Variants in SHANK2 observed in about 807,000 individuals in gnomAD.
SHANK2 encodes SH3 and multiple ankyrin repeat domains 2.
Under a neutral mutation model 133.7 loss-of-function variants are expected in SHANK2, and 43 were observed. That is an observed-to-expected ratio of 0.32 (90% CI 0.25 to 0.41). The LOEUF (loss-of-function observed/expected upper bound fraction) is 0.41, where lower values mean the gene tolerates loss of function less well. Ranked by LOEUF, SHANK2 falls within the 10% of genes least tolerant of loss-of-function variation. SHANK2 has a pLI of 1.00. For synonymous variants in SHANK2, 1,017 were observed against 952.8 expected, an observed-to-expected ratio of 1.07 and a Z score of -1.24; for missense variants, 1,994 against 2,235.8, an observed-to-expected ratio of 0.89 and a Z score of 2.18.
At chr11:71,096,846 T>G (rs1327987372) in intron 6 of SHANK2, among the ~76,000 whole-genome samples, 2 of 152,296 alleles carry the variant, frequency 1.3e-5, no homozygotes, top group African/African-American at 4.8e-5. Context: ...CTGTTCCATT[T>G]TATAAATGAG....
At chr11:71,071,142 A>C (rs1037922576) in intron 9 of SHANK2, among the ~76,000 whole-genome samples, 94 of 152,356 alleles carry the variant, frequency 6.2e-4, no homozygotes, top group African/African-American at 2.2e-3. Flanking sequence ...AAATTAAGGA[A>C]TGTTTTTTCC....
chr11:70,815,175 A>AACACACACACACAC (rs61610592), intron 12 of SHANK2, among the ~76,000 whole-genome samples: 18 of 119,714 alleles, frequency 1.5e-4, no homozygotes, highest in South Asian at 3.4e-4. Flanking sequence ...TGGGAGAAGA[A>AACACACACACACAC]ACACACACAC....
Position 70,472,467 on chromosome 11 carries a change from C to A in SHANK2, c.*402G>T. 3.6e-6 allele frequency: 1 copy of A among 274,340 alleles called. No homozygotes were observed. The highest frequency in any genetic ancestry group is 7.0e-6 in the Non-Finnish European group (1 of 141,982). 17.0% of individuals were successfully genotyped at this position (274,340 alleles called of 1,614,324 possible). ...GGGGCCTGGGGTGGTGAGAGCTGCC[C>A]GGAAAGCAGAGGACGGAGGTCTCAG... On this transcript the variant is annotated 3_prime_UTR_variant, in exon 26 of 26. Coordinates refer to ENST00000601538, the MANE Select transcript of SHANK2 (RefSeq NM_012309.5). This position sits in a 1 kb window ranked among gnomAD's most constrained non-coding sequence, Gnocchi z 4.4.
intron 2 of SHANK2, among the ~76,000 whole-genome samples, chr11:71,192,149 C>T (rs1386353050): frequency 1.3e-5 from 2 of 152,220 alleles, no homozygotes; most frequent in African/African-American, 4.8e-5. Flanking sequence ...GCGTGAGCCA[C>T]CACACCCGGC....
At chr11:71,090,410 TGTATCAG>T (rs1951490159) in intron 8 of SHANK2, among the ~76,000 whole-genome samples, 1 of 90,766 alleles carries the variant, frequency 1.1e-5, no homozygotes, top group African/African-American at 4.4e-5. Flanking sequence ...ACATTCAGGG[TGTATCAG>T]CCAGGGTTCT....
intron 21 of SHANK2, among the ~76,000 whole-genome samples, chr11:70,492,786 T>TG (rs2058910545): frequency 1.7e-5 from 2 of 117,790 alleles, no homozygotes; most frequent in Non-Finnish European, 3.5e-5. Context: ...GACATTTCTG[T>TG]GTTTTTTTTT....
chr11:70,852,149 G>A (rs551977345), intron 11 of SHANK2, among the ~76,000 whole-genome samples: 2 of 152,314 alleles, frequency 1.3e-5, no homozygotes, highest in South Asian at 2.1e-4. Flanking sequence ...GAGAGAGCTC[G>A]GACTCAGACA....
At chr11:70,772,439 CA>C (rs36059683) in intron 14 of SHANK2, among the ~76,000 whole-genome samples, 127,483 of 136,720 alleles carry the variant, frequency 0.93, 59,677 homozygotes, top group South Asian at 0.99. Context: ...GACTCTGTCT[CA>C]AAAAAAAAAA....
At chr11:70,733,664 C>T (rs564844972) in intron 14 of SHANK2, among the ~76,000 whole-genome samples, 17 of 152,168 alleles carry the variant, frequency 1.1e-4, no homozygotes, top group Non-Finnish European at 1.3e-4. Flanking sequence ...CTGGCCTTTA[C>T]GGATAAACTC....
intron 8 of SHANK2, among the ~76,000 whole-genome samples, chr11:71,086,142 TTA>T (rs1651442327): frequency 5.7e-4 from 8 of 14,116 alleles, no homozygotes; most frequent in Admixed American, 1.6e-3. Flanking sequence ...ATATAATATA[TTA>T]TGTTATATAA....
intron 17 of SHANK2, among the ~76,000 whole-genome samples, chr11:70,558,499 G>T (rs2059862824): frequency 6.6e-6 from 1 of 152,230 alleles, no homozygotes. Context: ...TTCCAAGCCT[G>T]GATCTGCCAG....
intron 2 of SHANK2, among the ~76,000 whole-genome samples, chr11:71,215,425 G>A (rs1252374252): frequency 1.3e-5 from 2 of 152,318 alleles, no homozygotes; most frequent in Admixed American, 6.5e-5. Context: ...GGTCACCCCT[G>A]GCTGCCCATC....
chr11:71,212,217 T>C (rs1268572448), intron 2 of SHANK2, among the ~76,000 whole-genome samples: 2 of 152,186 alleles, frequency 1.3e-5, no homozygotes, highest in African/African-American at 2.4e-5. Context: ...AATGCTCTCT[T>C]ATGCTACAGT....
intron 10 of SHANK2, among the ~76,000 whole-genome samples, chr11:70,939,205 T>G (rs1950611362): frequency 6.6e-6 from 1 of 152,142 alleles, no homozygotes; most frequent in Admixed American, 6.5e-5. Context: ...TGCACTTACG[T>G]TTAAAAAGAG....
intron 17 of SHANK2, among the ~76,000 whole-genome samples, chr11:70,647,825 C>A (rs1027123415): frequency 1.3e-5 from 2 of 152,164 alleles, no homozygotes; most frequent in Non-Finnish European, 2.9e-5. Context: ...CACTGAACAC[C>A]CGCCCATCCC....
At chr11:71,062,648 T>G (rs1951001098) in intron 9 of SHANK2, among the ~76,000 whole-genome samples, 1 of 152,218 alleles carries the variant, frequency 6.6e-6, no homozygotes, top group Non-Finnish European at 1.5e-5. Flanking sequence ...GGGAGGAGCC[T>G]GGGACACTCT....
intron 15 of SHANK2, among the ~76,000 whole-genome samples, chr11:70,681,793 G>A (rs1382416787): frequency 3.9e-5 from 6 of 152,136 alleles, no homozygotes; most frequent in African/African-American, 1.4e-4. Context: ...GCTCCACAGA[G>A]AAACCCCTTT....
intron 9 of SHANK2, among the ~76,000 whole-genome samples, chr11:71,066,158 G>A (rs1158352957): frequency 0.018 from 77 of 4,340 alleles, 2 homozygotes; most frequent in South Asian, 0.029. Flanking sequence ...TGGGGGGGGT[G>A]CAGAACTCTC....
rs79716076 is a variant in SHANK2 at position 70,811,332 on chromosome 11, G to T, written c.1494-4161C>A. On this transcript the variant is annotated intron_variant, in intron 12 of 25. Coordinates refer to ENST00000601538, the MANE Select transcript of SHANK2 (RefSeq NM_012309.5). ...CCAAATGAGGAGTGCGTCTTCTCAG[G>T]ATTTCCACACCCAAAGAGCTCCTGC... Among the ~76,000 whole-genome samples the T allele has an allele frequency of 2.8e-4, 42 of 152,202 alleles. No homozygotes were observed. In the East Asian group the frequency reaches 7.9e-3, roughly 29 times the overall value.
Sources: gnomAD v4.1 joint callset for allele counts (sites outside exome capture counted in the v4.1 genomes callset) on GRCh38, gnomAD v4.1.1 for gene constraint, Gnocchi (gnomAD v3.1) non-coding constraint, MANE v1.5 for transcripts, NCBI Gene and HGNC (gene_info 2026-07-23, HGNC 2026-07-21) for gene names.